The following ZNF407 variants were observed in gnomAD, a reference collection of about 807,000 sequenced individuals.
ZNF407 encodes the protein zinc finger protein 407.
ZNF407 carries 17 observed loss-of-function variants against 131.2 expected under a neutral mutation model. The ratio of observed to expected loss-of-function variants is 0.13; its 90% CI spans 0.09 to 0.19. The LOEUF (loss-of-function observed/expected upper bound fraction) is 0.19. Ranked by LOEUF, ZNF407 falls within the 10% of genes least tolerant of loss-of-function variation. The pLI is 1.00. For synonymous variants in ZNF407, 1,156 were observed against 1,062.0 expected (o/e 1.09, Z -1.72); for missense variants, 2,681 against 2,830.6 (o/e 0.95, Z 1.20).
At chr18:74,805,245 C>G (rs536147032) in intron 4 of ZNF407, among the ~76,000 whole-genome samples, 2 of 152,132 alleles carry the variant, frequency 1.3e-5, no homozygotes, top group Admixed American at 6.5e-5. Flanking sequence ...CGTCTTTCAT[C>G]TTACTCTTCT....
intron 3 of ZNF407, among the ~76,000 whole-genome samples, chr18:74,741,144 C>T (rs940337842): frequency 1.3e-5 from 2 of 152,020 alleles, no homozygotes; most frequent in Non-Finnish European, 2.9e-5. Flanking sequence ...TATGTAAAAC[C>T]AAGGCAGTAA....
Position 75,063,588 on chromosome 18 carries a change from C to G in ZNF407, c.5867C>G (p.Ser1956Cys), listed in dbSNP as rs1169999138. ...GSMEGHGMDE[S>C]LSPGGAVIQQ... The stretch of plus-strand genomic sequence containing the variant: ...ATGGAAGGCCACGGCATGGATGAGT[C>G]CCTCAGTCCAGGTGGCGCTGTGATA... The change falls in exon 9 of 9, where the codon TCC (serine) becomes TGC (cysteine). Residue 1956 changes from serine to cysteine, a missense_variant. Ser to Cys is a moderately radical substitution (Grantham distance 112, BLOSUM62 -1). Around this residue, in one of 6 missense-constraint regions of ZNF407, gnomAD observed 620 missense variants for 583.1 expected, o/e 1.06. Transcript: ENST00000299687. The surrounding 1 kb of genome is among the most constrained non-coding windows in gnomAD (Gnocchi z 6.6). The G allele has an allele frequency of 4.5e-6, 7 of 1,569,934 alleles. No homozygotes were observed. The East Asian group carries it at 1.7e-4, about 37-fold the overall frequency.
In ZNF407 at chr18:75,000,047, G is replaced by A. The variant is rs991057940; in HGVS notation, c.5429-63103G>A. Among the ~76,000 whole-genome samples the A allele has an allele frequency of 3.9e-5, 6 of 152,290 alleles. No homozygotes were observed. The East Asian group carries it at 1.2e-3, about 29-fold the overall frequency. On this transcript the variant is annotated intron_variant, in intron 8 of 8. Transcript: ENST00000299687. ...GAAAAGGCAATGTAAAGAACTCTGG[G>A]TGCTGGTGCTGTGGATTTGTATTAC...
chr18:74,697,371 A>T (rs550937656), intron 3 of ZNF407, among the ~76,000 whole-genome samples: 2 of 152,202 alleles, frequency 1.3e-5, no homozygotes, highest in Non-Finnish European at 2.9e-5. Flanking sequence ...TATAAGTATG[A>T]TAGTCCAAAA....
chr18:74,824,622 A>G (rs1430706377), intron 4 of ZNF407, among the ~76,000 whole-genome samples: 1 of 152,240 alleles, frequency 6.6e-6, no homozygotes, highest in African/African-American at 2.4e-5. Context: ...GCAGAAATGG[A>G]TAAATTGCTG....
At position 74,633,369 on chromosome 18, in the gene ZNF407, G is replaced by T. The variant is rs780278697; in HGVS notation, c.2350G>T (p.Asp784Tyr). 1.2e-5 allele frequency: 20 copies of T among 1,613,798 alleles called. No individual in the cohort carries two copies. The South Asian group carries it at 2.2e-4, about 18-fold the overall frequency. The change falls in exon 2 of 9, where the codon GAT becomes TAT. Residue 784 changes from aspartate to tyrosine, a missense_variant. Physicochemically the swap from Asp to Tyr is radical, Grantham distance 160 (BLOSUM62 -3). Around this residue, in one of 6 missense-constraint regions of ZNF407, gnomAD observed 1,789 missense variants for 1,748.7 expected, o/e 1.02. Transcript: ENST00000299687. ...CIERVCIGAN[D>Y]KKEEFDVSGN... is the part of the protein sequence containing the mutation. Reference sequence around the variant, plus strand: ...TGAAAGGGTATGTATAGGTGCAAATGATAAAAAAGAAGAGTTTGATGTTTC... The same window carrying T: ...TGAAAGGGTATGTATAGGTGCAAATTATAAAAAAGAAGAGTTTGATGTTTC...
intron 8 of ZNF407, among the ~76,000 whole-genome samples, chr18:75,045,994 A>C (rs535941352): frequency 2.0e-5 from 3 of 152,364 alleles, no homozygotes; most frequent in South Asian, 4.1e-4. Context: ...ATGATGAACC[A>C]ACCAGCTCCA....
At chr18:74,863,613 A>G (rs1477779150) in intron 4 of ZNF407, among the ~76,000 whole-genome samples, 3 of 152,220 alleles carry the variant, frequency 2.0e-5, no homozygotes, top group Non-Finnish European at 4.4e-5. Context: ...AAACAAAACC[A>G]TTCTTTATAT....
At chr18:74,709,208 A>G (rs920224357) in intron 3 of ZNF407, among the ~76,000 whole-genome samples, 2 of 152,200 alleles carry the variant, frequency 1.3e-5, no homozygotes, top group East Asian at 3.9e-4. Context: ...TAAAAATTGC[A>G]TACGTATCAG....
At chr18:74,663,558 A>T (rs1211455609) in intron 3 of ZNF407, among the ~76,000 whole-genome samples, 1 of 152,194 alleles carries the variant, frequency 6.6e-6, no homozygotes, top group African/African-American at 2.4e-5. Flanking sequence ...ACCACATATT[A>T]CGTGTGGGGA....
chr18:74,727,721 C>T (rs754263892), intron 3 of ZNF407, among the ~76,000 whole-genome samples: 25 of 152,158 alleles, frequency 1.6e-4, no homozygotes, highest in African/African-American at 4.6e-4. Context: ...GATAGCAAGT[C>T]GCCATGCGCG....
At position 74,608,069 on chromosome 18, in the gene ZNF407, A is replaced by C. The variant is rs189187335; in HGVS notation, c.-54+10132A>C. Among the ~76,000 whole-genome samples, 429 of 152,306 alleles carry C rather than the reference A, an allele frequency of 2.8e-3. 3 individuals carry two copies. Among genetic ancestry groups the C allele is most frequent in the African/African-American group, 9.7e-3 (402 of 41,570 alleles). On this transcript the variant is annotated intron_variant, in intron 1 of 8. Coordinates refer to ENST00000299687, the MANE Select transcript of ZNF407 (RefSeq NM_017757.3). ...CTTTCATCTGAAATGACTTTTTAAA[A>C]CTTTCTACTTTGAAATAATTTTAGA...
intron 4 of ZNF407, among the ~76,000 whole-genome samples, chr18:74,811,763 C>G (rs1472858913): frequency 1.3e-5 from 2 of 151,966 alleles, no homozygotes; most frequent in African/African-American, 4.8e-5. Flanking sequence ...TCTCAGTAAA[C>G]TATTGCAAGA....
intron 1 of ZNF407, among the ~76,000 whole-genome samples, chr18:74,604,471 A>G (rs746138331): frequency 4.6e-5 from 7 of 152,192 alleles, no homozygotes; most frequent in African/African-American, 7.2e-5. Flanking sequence ...TGCCAGCCCA[A>G]AGTGTCAGAT....
At chr18:74,950,381 A>G (rs1972200280) in intron 8 of ZNF407, among the ~76,000 whole-genome samples, 1 of 152,208 alleles carries the variant, frequency 6.6e-6, no homozygotes, top group African/African-American at 2.4e-5. Context: ...GTAGGTCCTC[A>G]ATGAATTGTG....
intron 3 of ZNF407, among the ~76,000 whole-genome samples, chr18:74,676,645 A>AG (rs1986395729): frequency 6.6e-6 from 1 of 151,726 alleles, no homozygotes; most frequent in African/African-American, 2.4e-5. Context: ...CGTGTTAGCC[A>AG]GGATGGTCTC....
chr18:75,009,800 C>T (rs1387836508), intron 8 of ZNF407, among the ~76,000 whole-genome samples: 1 of 152,114 alleles, frequency 6.6e-6, no homozygotes, highest in Non-Finnish European at 1.5e-5. Flanking sequence ...AGGTTGATTC[C>T]AGAACCCAAG....
Position 74,790,170 on chromosome 18 carries a change from A to G in ZNF407, c.4877+8668A>G, listed in dbSNP as rs931663756. On this transcript the variant is annotated intron_variant, in intron 4 of 8. Coordinates refer to ENST00000299687, the MANE Select transcript of ZNF407 (RefSeq NM_017757.3). ...AACCAAAAGACTGTAATAATACTAC[A>G]TGCATTATAACTATGTTATTCAGTA... Among the ~76,000 whole-genome samples the G allele has an allele frequency of 4.6e-5, 7 of 152,194 alleles. No homozygotes were observed. In the East Asian group the frequency reaches 1.2e-3, roughly 25 times the overall value.
At chr18:74,950,609 A>T (rs1238079060) in intron 8 of ZNF407, among the ~76,000 whole-genome samples, 7 of 152,208 alleles carry the variant, frequency 4.6e-5, no homozygotes, top group African/African-American at 1.7e-4. Flanking sequence ...CAGATACCTA[A>T]AAATCTTGTT....
Sources: gnomAD v4.1 joint callset for allele counts (sites outside exome capture counted in the v4.1 genomes callset) on GRCh38, gnomAD v4.1.1 for gene constraint, gnomAD v4.1.1 regional missense constraint, Gnocchi (gnomAD v3.1) non-coding constraint, MANE v1.5 for transcripts, NCBI Gene and HGNC (gene_info 2026-07-23, HGNC 2026-07-21) for gene names.